Variants in TAS1R2 observed in about 807,000 individuals in gnomAD.
TAS1R2 encodes taste receptor type 1 member 2.
In TAS1R2, 47 loss-of-function variants were observed where a neutral mutation model predicts 49.3. That is an observed-to-expected ratio of 0.95 (90% CI 0.75 to 1.22). The LOEUF is 1.22. Ranked by LOEUF, TAS1R2 falls within the 50% of genes most tolerant of loss-of-function variation. The probability of loss-of-function intolerance (pLI) is 0.00; values close to 1 mark genes in which losing one functional copy is unlikely to be tolerated. For missense variants in TAS1R2, 1,155 were observed against 1,122.1 expected, an observed-to-expected ratio of 1.03 and a Z score of -0.42; for synonymous variants, 479 against 467.9, an observed-to-expected ratio of 1.02 and a Z score of -0.31.
intron 3 of TAS1R2, 104 bp from the exon 4 acceptor site, chr1:18,849,654 C>A: frequency 7.7e-7 from 1 of 1,297,908 alleles, no homozygotes; most frequent in Non-Finnish European, 1.1e-6. Flanking sequence ...CCTTGATTTC[C>A]AACTCTGTAA....
At chr1:18,850,690 G>T (rs79893228) in intron 3 of TAS1R2, among the ~76,000 whole-genome samples, 24 of 152,374 alleles carry the variant, frequency 1.6e-4, no homozygotes, top group Admixed American at 1.2e-3. Context: ...CCAAGGGGTC[G>T]GAAAGCACTG....
rs759116535 is a variant in TAS1R2 at position 18,849,519 on chromosome 1, G to C, written c.1289C>G (p.Thr430Ser). ...GAAGAAGATTTGGTGGTCCAGGAGA[G>C]TGAAGTTGACCTTCCAGATCTCCTC... The change falls in exon 4 of 6, where the codon ACT becomes AGT. Residue 430 changes from threonine to serine, a missense_variant. Physicochemically the swap from Thr to Ser is moderately conservative, Grantham distance 58 (BLOSUM62 1). Transcript: ENST00000375371. The C allele has an allele frequency of 3.1e-6, 5 of 1,614,246 alleles. No individual in the cohort carries two copies. In the South Asian group the frequency reaches 3.3e-5, roughly 11 times the overall value.
chr1:18,851,799 A>G (rs1016392511), intron 3 of TAS1R2, among the ~76,000 whole-genome samples: 2 of 151,984 alleles, frequency 1.3e-5, no homozygotes, highest in African/African-American at 2.4e-5. Flanking sequence ...CTCGCCTCTC[A>G]TGGGGTGCCC....
chr1:18,852,982 C>T (rs1934060698), intron 3 of TAS1R2, among the ~76,000 whole-genome samples: 1 of 152,240 alleles, frequency 6.6e-6, no homozygotes, highest in Admixed American at 6.5e-5. Context: ...ATGATTGGTG[C>T]CCTTTGGTCT....
Position 18,854,681 on chromosome 1 carries a change from C to T in TAS1R2, c.789G>A (p.Lys263=), listed in dbSNP as rs1233835256. The change falls in exon 3 of 6, where the codon AAG becomes AAA. Residue 263 remains lysine (K), a synonymous_variant. Transcript: ENST00000375371. The surrounding 1 kb of genome is among the most constrained non-coding windows in gnomAD (Gnocchi z 4.9). ...CGACGCGCGCTGTGCTCTGCTGCAG[C>T]TTGTCCACAATGGTCACCAGGCGCT... The T allele has an allele frequency of 1.8e-5, 29 of 1,613,910 alleles. 1 individual carries two copies. In the East Asian group the frequency reaches 6.2e-4, roughly 35 times the overall value.
chr1:18,854,157 C>T lies in TAS1R2; in HGVS notation c.1257+56G>A. On this transcript the variant is annotated intron_variant, in intron 3 of 5. Transcript: ENST00000375371. This position sits in a 1 kb window ranked among gnomAD's most constrained non-coding sequence, Gnocchi z 4.9. ...CCCTTTCACACCCATTTGCCCAGAA[C>T]CCCAGGGGAGGAGGATGGAGGTGCC... The T allele has an allele frequency of 1.3e-6, 2 of 1,551,040 alleles. No homozygotes were observed. Among genetic ancestry groups the T allele is most frequent in the South Asian group, 2.4e-5 (2 of 83,378 alleles).
At chr1:18,844,464 T>G (rs1298778654) in intron 4 of TAS1R2, among the ~76,000 whole-genome samples, 1 of 152,210 alleles carries the variant, frequency 6.6e-6, no homozygotes, top group Non-Finnish European at 1.5e-5. Context: ...AAGGTTGACT[T>G]GTCCCAGCCA....
chr1:18,840,678 G>T, intron 5 of TAS1R2, 151 bp from the exon 6 acceptor site: 2 of 743,176 alleles, frequency 2.7e-6, no homozygotes, highest in Non-Finnish European at 4.4e-6. Flanking sequence ...AGTCTCATGT[G>T]CATTGGCTCA....
At chr1:18,859,347 G>C (rs1934199172) in intron 1 of TAS1R2, 132 bp downstream of exon 1, 1 of 1,124,982 alleles carries the variant, frequency 8.9e-7, no homozygotes, top group Non-Finnish European at 1.3e-6. Flanking sequence ...TCCAGAATAA[G>C]GGGGTTGGCA....
In TAS1R2 at chr1:18,854,507, G is replaced by A. The variant is rs758833875; in HGVS notation, c.963C>T (p.Thr321=). 1.2e-5 allele frequency: 19 copies of A among 1,613,910 alleles called. No individual in the cohort carries two copies. In the East Asian group the frequency reaches 1.8e-4, roughly 15 times the overall value. Residue 321 remains threonine (T), a synonymous_variant, in exon 3 of 6, where the codon ACC becomes ACT. Coordinates refer to ENST00000375371, the Ensembl canonical transcript of TAS1R2. This position sits in a 1 kb window ranked among gnomAD's most constrained non-coding sequence, Gnocchi z 4.9. ...CGCTCTGGATGGTGATGCCCAGGAAGGTGCCCAAGTGGCGCAGCTCCGTGA... is the reference window on the plus strand; with the variant it reads ...CGCTCTGGATGGTGATGCCCAGGAAAGTGCCCAAGTGGCGCAGCTCCGTGA...
exon 4 of TAS1R2, chr1:18,849,414 A>T: frequency 6.2e-7 from 1 of 1,614,218 alleles, no homozygotes; most frequent in Non-Finnish European, 8.5e-7. Flanking sequence ...GTAGGAGGCG[A>T]CGCTCTGGAA....
chr1:18,850,507 A>G (rs1934001980), intron 3 of TAS1R2, among the ~76,000 whole-genome samples: 2 of 152,380 alleles, frequency 1.3e-5, no homozygotes, highest in South Asian at 4.1e-4. Context: ...GCCCAAGGGC[A>G]ATGGTCCTTT....
At chr1:18,839,864 A>C in exon 6 of TAS1R2, 1 of 1,614,248 alleles carries the variant, frequency 6.2e-7, no homozygotes, top group Non-Finnish European at 8.5e-7. Context: ...GTTGGTGGGC[A>C]GCTCTTTGCC....
rs28715880 is a variant in TAS1R2 at position 18,845,514 on chromosome 1, T to C, written c.1468-3662A>G. ...TCTACAATCTTACACTCTGCTGGAATAGAGATTCTGGTCCCCAAAGGGGGA... is the reference window on the plus strand; with the variant it reads ...TCTACAATCTTACACTCTGCTGGAACAGAGATTCTGGTCCCCAAAGGGGGA... On this transcript the variant is annotated intron_variant, in intron 4 of 5. Transcript: ENST00000375371. Among the ~76,000 whole-genome samples, 1,309 of 152,306 alleles carry C rather than the reference T, an allele frequency of 8.6e-3. 19 individuals are homozygous for C. Among genetic ancestry groups the C allele is most frequent in the African/African-American group, 0.03 (1,254 of 41,570 alleles).
At chr1:18,851,803 G>T (rs1218339318) in intron 3 of TAS1R2, among the ~76,000 whole-genome samples, 1 of 151,984 alleles carries the variant, frequency 6.6e-6, no homozygotes, top group African/African-American at 2.4e-5. Context: ...CCTCTCATGG[G>T]GTGCCCATCC....
intron 2 of TAS1R2, among the ~76,000 whole-genome samples, chr1:18,856,826 A>C (rs561079087): frequency 5.3e-5 from 8 of 152,246 alleles, no homozygotes; most frequent in Non-Finnish European, 1.2e-4. Context: ...AGTTATAATA[A>C]TAGTAGTAAT....
At chr1:18,857,065 C>T (rs1276654638) in intron 2 of TAS1R2, among the ~76,000 whole-genome samples, 5 of 152,238 alleles carry the variant, frequency 3.3e-5, no homozygotes, top group South Asian at 2.1e-4. Flanking sequence ...GAAACTGAGG[C>T]TAGAAGAGTC....
intron 3 of TAS1R2, among the ~76,000 whole-genome samples, chr1:18,853,254 A>G (rs1388436759): frequency 6.6e-6 from 1 of 152,216 alleles, no homozygotes; most frequent in Non-Finnish European, 1.5e-5. Flanking sequence ...TTCAGTGCCT[A>G]GTAGGCACTC....
exon 1 of TAS1R2, chr1:18,859,631 G>T: frequency 6.2e-7 from 1 of 1,614,256 alleles, no homozygotes; most frequent in East Asian, 2.2e-5. Context: ...GGAAGAACAG[G>T]GAGGAGATGG....
Sources: gnomAD v4.1 joint callset for allele counts (sites outside exome capture counted in the v4.1 genomes callset) on GRCh38, gnomAD v4.1.1 for gene constraint, Gnocchi (gnomAD v3.1) non-coding constraint, MANE v1.5 for transcripts, NCBI Gene and HGNC (gene_info 2026-07-23, HGNC 2026-07-21) for gene names.